GSN: variants seen among roughly 807,000 people sequenced by gnomAD.
GSN encodes the protein gelsolin, also known as actin-depolymerizing factor.
A neutral mutation model predicts 85.7 loss-of-function variants in GSN; 56 were observed. That is an observed-to-expected ratio of 0.65 (90% confidence interval 0.53 to 0.82). The LOEUF is 0.82. Ranked by LOEUF, GSN falls within the 40% of genes least tolerant of loss-of-function variation. The pLI, the probability that GSN is intolerant of heterozygous loss-of-function variation, is 0.00. For missense variants in GSN, 857 were observed against 979.8 expected (o/e 0.87, Z 1.67); for synonymous variants, 373 against 399.1 (o/e 0.93, Z 0.78).
chr9:121,289,659 C>T (rs1322968824), intron 2 of GSN, among the ~76,000 whole-genome samples: 2 of 152,138 alleles, frequency 1.3e-5, no homozygotes, highest in African/African-American at 4.8e-5. Flanking sequence ...CCCAGTAGCC[C>T]GGTGAGGAGA....
intron 4 of GSN, among the ~76,000 whole-genome samples, chr9:121,220,915 TA>T (rs2054157887): frequency 1.3e-5 from 2 of 152,210 alleles, no homozygotes; most frequent in Non-Finnish European, 2.9e-5. Context: ...TATCAATTGT[TA>T]AAAGTGAATA....
intron 1 of GSN, among the ~76,000 whole-genome samples, chr9:121,277,020 TTCTC>T (rs779100796): frequency 6.6e-6 from 1 of 152,148 alleles, no homozygotes; most frequent in Non-Finnish European, 1.5e-5. Context: ...GGTAAGTCAT[TTCTC>T]TCTCTAACCT....
intron 4 of GSN, among the ~76,000 whole-genome samples, chr9:121,215,446 C>G (rs2054045389): frequency 6.6e-6 from 1 of 152,078 alleles, no homozygotes; most frequent in Non-Finnish European, 1.5e-5. Context: ...ATAATCCCAG[C>G]ACTTTGGGAG....
Position 121,313,987 on chromosome 9 carries a change from G to A in GSN, c.717G>A (p.Glu239=). Residue 239 remains glutamate (E), a synonymous_variant, in exon 7 of 18, where the codon GAG becomes GAA. Transcript: ENST00000432226. Reference sequence around the variant, plus strand: ...CAGGTACCGAGGACACCGCCAAGGAGGATGCGGCCAACCGCAAGCTGGCCA... The same window carrying A: ...CAGGTACCGAGGACACCGCCAAGGAAGATGCGGCCAACCGCAAGCTGGCCA... ...LPAGTEDTAK[E]DAANRKLAKL... 3.1e-6 allele frequency: 5 copies of A among 1,614,190 alleles called. No individual in the cohort carries two copies. Among genetic ancestry groups the A allele is most frequent in the Non-Finnish European group, 4.2e-6 (5 of 1,180,000 alleles).
intron 6 of GSN, among the ~76,000 whole-genome samples, chr9:121,260,735 C>T (rs1033067905): frequency 1.3e-5 from 2 of 152,146 alleles, no homozygotes; most frequent in Non-Finnish European, 2.9e-5. Flanking sequence ...GGGTGGAACT[C>T]GGATGTTCTA....
rs1302941368 is a variant in GSN, at chr9:121,299,922, C to T, written c.-9-2041C>T. On this transcript the variant is annotated intron_variant, in intron 2 of 17. Transcript: ENST00000432226. This position sits in a 1 kb window ranked among gnomAD's most constrained non-coding sequence, Gnocchi z 4.2. ...CGCGCTGTCCCTGGCGCTGTGCGCGCTGTCGCTGCCCGTCCGCGCGGCCAC... is the reference window on the plus strand; with the variant it reads ...CGCGCTGTCCCTGGCGCTGTGCGCGTTGTCGCTGCCCGTCCGCGCGGCCAC... 8.0e-7 allele frequency: 1 copy of T among 1,256,246 alleles called. No individual in the cohort carries two copies. Among genetic ancestry groups the T allele is most frequent in the Non-Finnish European group, 1.0e-6 (1 of 997,876 alleles). The allele number at this position is 1,256,246 out of a possible 1,614,324, so 77.8% of individuals were successfully genotyped here.
intron 4 of GSN, among the ~76,000 whole-genome samples, chr9:121,228,422 ATATTTTTTT>A (rs1254013151): frequency 8.6e-5 from 5 of 58,190 alleles, no homozygotes; most frequent in African/African-American, 4.9e-4. Context: ...ATATATATAT[ATATTTTTTT>A]TTTTTTTTTT....
intron 6 of GSN, among the ~76,000 whole-genome samples, chr9:121,260,143 G>A (rs73660423): frequency 0.056 from 8,519 of 152,294 alleles, 470 homozygotes; most frequent in Admixed American, 0.14. Context: ...TAGAGACCTG[G>A]ATCTGCAGGG....
At chr9:121,304,677 A>G (rs1483251886) in intron 4 of GSN, among the ~76,000 whole-genome samples, 1 of 152,232 alleles carries the variant, frequency 6.6e-6, no homozygotes, top group African/African-American at 2.4e-5. Context: ...CAGATATGGT[A>G]CTGGGAATGT....
chr9:121,242,255 C>T (rs886384701), intron 5 of GSN, among the ~76,000 whole-genome samples: 3 of 152,158 alleles, frequency 2.0e-5, no homozygotes, highest in Admixed American at 1.3e-4. Context: ...CTCTAAGGGC[C>T]TTTGCAGCTT....
rs367632035 is a variant in GSN, at chr9:121,318,736, C to T, written c.1047C>T (p.Asp349=). 1.2e-6 allele frequency: 2 copies of T among 1,613,990 alleles called. No homozygotes were observed. The highest frequency in any genetic ancestry group is 1.3e-5 in the African/African-American group (1 of 75,054). Residue 349 remains aspartate, a synonymous_variant, in exon 10 of 18, where the codon GAC becomes GAT. Coordinates refer to ENST00000432226, the MANE Select transcript of GSN (RefSeq NM_198252.3). This position sits in a 1 kb window ranked among gnomAD's most constrained non-coding sequence, Gnocchi z 4.3. ...KQFFKNWRDP[D]QTDGLGLSYL... is the part of the protein sequence containing the mutation. ...TCTTCAAGAACTGGCGGGACCCAGA[C>T]CAGACAGATGGCCTGGGCTTGTCCT... is the stretch of plus-strand genomic sequence containing the variant.
intron 2 of GSN, among the ~76,000 whole-genome samples, chr9:121,287,678 T>C (rs4836845): frequency 0.43 from 57,166 of 132,978 alleles, 13,475 homozygotes; most frequent in East Asian, 0.64. Context: ...AGGAAGCGTG[T>C]GGGCTTTTTT....
At chr9:121,262,637 T>C (rs2055111396) in intron 6 of GSN, among the ~76,000 whole-genome samples, 1 of 152,358 alleles carries the variant, frequency 6.6e-6, no homozygotes. Flanking sequence ...CTGATGCTTA[T>C]GCTGTTTAGC....
rs190648210 is a variant in GSN at position 121,286,361 on chromosome 9, G to T, written c.-10+4799G>T. Among the ~76,000 whole-genome samples the T allele has an allele frequency of 3.4e-3, 514 of 152,286 alleles. 4 individuals are homozygous for T. Among genetic ancestry groups the T allele is most frequent in the South Asian group, 0.023 (110 of 4,828 alleles). The stretch of plus-strand genomic sequence containing the variant: ...CTGCTTAAAAATCCTCAGTGTGTCC[G>T]GTCAGGCCAGGACTCCGTAGCAGTC... On this transcript the variant is annotated intron_variant, in intron 2 of 17. Coordinates refer to ENST00000432226, the MANE Select transcript of GSN (RefSeq NM_198252.3).
chr9:121,242,819 A>G (rs1203549726), intron 5 of GSN, among the ~76,000 whole-genome samples: 1 of 152,120 alleles, frequency 6.6e-6, no homozygotes, highest in Non-Finnish European at 1.5e-5. Flanking sequence ...GGCCTATGAG[A>G]TAACAGGGGA....
At chr9:121,303,193 C>CAAA in intron 4 of GSN, 128 bp downstream of exon 4, 1 of 871,684 alleles carries the variant, frequency 1.1e-6, no homozygotes, top group Admixed American at 1.9e-5. Flanking sequence ...GCTTTGGAGT[C>CAAA]AACCAACATT....
intron 2 of GSN, among the ~76,000 whole-genome samples, chr9:121,301,625 C>CAA (rs753963979): frequency 1.1e-3 from 63 of 55,848 alleles, no homozygotes; most frequent in African/African-American, 2.6e-3. Flanking sequence ...GACTCTGTCT[C>CAA]AAAAAAAAAA....
intron 2 of GSN, among the ~76,000 whole-genome samples, chr9:121,290,323 G>A (rs950134098): frequency 4.6e-5 from 7 of 152,252 alleles, no homozygotes; most frequent in East Asian, 1.9e-4. Context: ...TAAATCTTCC[G>A]GCTGGCTATG....
At chr9:121,286,853 C>A in intron 2 of GSN, 2 of 996,712 alleles carry the variant, frequency 2.0e-6, no homozygotes, top group Non-Finnish European at 3.0e-6. Flanking sequence ...TAACCTTGGG[C>A]TGAACCTCTC....
Sources: allele counts gnomAD v4.1 joint callset (sites outside exome capture counted in the v4.1 genomes callset), GRCh38; gene constraint gnomAD v4.1.1; non-coding constraint Gnocchi (gnomAD v3.1); transcripts MANE v1.5; gene names NCBI Gene and HGNC (gene_info 2026-07-23, HGNC 2026-07-21).